The following SEPTIN14 variants were observed in gnomAD, a reference collection of about 807,000 sequenced individuals.
SEPTIN14 encodes the protein septin 14.
In SEPTIN14, 40 loss-of-function variants were observed where a neutral mutation model predicts 53.6. That is an observed-to-expected ratio of 0.75 (90% CI 0.58 to 0.97). The LOEUF is 0.97. Among genes scored for constraint, SEPTIN14 ranks in the 50% least tolerant of loss-of-function variants. The pLI is 0.00. For missense variants in SEPTIN14, 471 were observed against 508.2 expected (o/e 0.93, Z 0.70); for synonymous variants, 138 against 166.8 (o/e 0.83, Z 1.33).
At chr7:55,822,565 G>C (rs1296374932) in intron 6 of SEPTIN14, among the ~76,000 whole-genome samples, 1 of 151,302 alleles carries the variant, frequency 6.6e-6, no homozygotes, top group Non-Finnish European at 1.5e-5. Context: ...CAGATCAATA[G>C]AGCAGAGCAG....
chr7:55,833,268 T>C (rs1789142434), intron 6 of SEPTIN14, among the ~76,000 whole-genome samples: 1 of 151,440 alleles, frequency 6.6e-6, no homozygotes, highest in Non-Finnish European at 1.5e-5. Flanking sequence ...TGAGCTGAGA[T>C]TGCGCCACTG....
In SEPTIN14 at chr7:55,838,453, T is replaced by C. The variant is rs138576899; in HGVS notation, c.559-3867A>G. On this transcript the variant is annotated intron_variant, in intron 5 of 9. Transcript: ENST00000388975. ...CCCCATTTTCCACAGTTTCTCTTTCTTCCTTTTCTTTCCTTCTTTTTTACT... is the reference window on the plus strand; with the variant it reads ...CCCCATTTTCCACAGTTTCTCTTTCCTCCTTTTCTTTCCTTCTTTTTTACT... Among the ~76,000 whole-genome samples the C allele has an allele frequency of 2.8e-3, 422 of 152,202 alleles. 9 individuals are homozygous for C. In the South Asian group the frequency reaches 0.037, roughly 13 times the overall value.
At chr7:55,838,171 G>A (rs560860799) in intron 5 of SEPTIN14, among the ~76,000 whole-genome samples, 1 of 152,274 alleles carries the variant, frequency 6.6e-6, no homozygotes, top group African/African-American at 2.4e-5. Context: ...CTGAAGCCAT[G>A]GGGCTTAAGC....
At chr7:55,799,050 T>G in intron 9 of SEPTIN14, among the ~76,000 whole-genome samples, 1 of 152,232 alleles carries the variant, frequency 6.6e-6, no homozygotes. Context: ...ATGATAATAG[T>G]AAGTCCTTAC....
In SEPTIN14 at chr7:55,834,458, T is replaced by C. The variant is rs754509394; in HGVS notation, c.687A>G (p.Glu229=). 2 of 1,612,128 alleles carry C rather than the reference T, an allele frequency of 1.2e-6. No individual in the cohort carries two copies. The highest frequency in any genetic ancestry group is 3.3e-5 in the Admixed American group (2 of 59,708). The change falls in exon 6 of 10, where the codon GAA becomes GAG. Residue 229 remains glutamate (E), a synonymous_variant. Coordinates refer to ENST00000388975, the MANE Select transcript of SEPTIN14 (RefSeq NM_207366.3). ...GIQIYQLPTD[E]ETAAQANSSV... is the part of the protein sequence containing the mutation. ...AGGAGTTCGCTTGAGCAGCAGTTTC[T>C]TCATCTGTTGGGAGCTGATATATCT... is the stretch of plus-strand genomic sequence containing the variant.
chr7:55,859,831 C>T (rs547887316), intron 2 of SEPTIN14, among the ~76,000 whole-genome samples: 1 of 152,254 alleles, frequency 6.6e-6, no homozygotes, highest in South Asian at 2.1e-4. Flanking sequence ...ATGGAATCAA[C>T]CTAAGTGTCC....
chr7:55,809,982 G>C (rs150142205), intron 7 of SEPTIN14, among the ~76,000 whole-genome samples: 3 of 151,690 alleles, frequency 2.0e-5, no homozygotes, highest in Non-Finnish European at 4.4e-5. Flanking sequence ...ACAGGCGCCC[G>C]TCACTACGCC....
intron 2 of SEPTIN14, among the ~76,000 whole-genome samples, chr7:55,851,310 A>G (rs955273372): frequency 2.0e-5 from 3 of 152,082 alleles, no homozygotes; most frequent in African/African-American, 7.2e-5. Context: ...TATTCAGTCA[A>G]TTTGTAACCC....
At chr7:55,855,283 C>T (rs2116077190) in intron 2 of SEPTIN14, among the ~76,000 whole-genome samples, 1 of 152,314 alleles carries the variant, frequency 6.6e-6, no homozygotes, top group South Asian at 2.1e-4. Flanking sequence ...GCTGGGATTA[C>T]AGGCGTGAGC....
At chr7:55,818,112 A>AT (rs1788826868) in intron 7 of SEPTIN14, among the ~76,000 whole-genome samples, 1 of 152,198 alleles carries the variant, frequency 6.6e-6, no homozygotes, top group African/African-American at 2.4e-5. Flanking sequence ...CATAATAAAT[A>AT]TTAAAACATT....
At chr7:55,839,106 G>T (rs1158676502) in intron 5 of SEPTIN14, among the ~76,000 whole-genome samples, 1 of 152,034 alleles carries the variant, frequency 6.6e-6, no homozygotes, top group Non-Finnish European at 1.5e-5. Flanking sequence ...GATATTTTGA[G>T]GCCAGGCGTG....
intron 6 of SEPTIN14, among the ~76,000 whole-genome samples, chr7:55,830,423 T>C (rs1256864035): frequency 7.0e-6 from 1 of 141,986 alleles, no homozygotes; most frequent in African/African-American, 2.6e-5. Context: ...CTCCGCTCAC[T>C]GCAAGCTCCG....
chr7:55,832,288 A>G (rs1210631040), intron 6 of SEPTIN14, among the ~76,000 whole-genome samples: 1 of 152,146 alleles, frequency 6.6e-6, no homozygotes, highest in African/African-American at 2.4e-5. Flanking sequence ...GAATGCAGAG[A>G]ATAATGAATG....
intron 2 of SEPTIN14, among the ~76,000 whole-genome samples, chr7:55,852,789 C>G (rs560159417): frequency 6.6e-6 from 1 of 152,032 alleles, no homozygotes; most frequent in Non-Finnish European, 1.5e-5. Flanking sequence ...AAACTATCCC[C>G]CGATAAGGGA....
In SEPTIN14 at chr7:55,851,351, G is replaced by A. The variant is rs112417933; in HGVS notation, c.55-4714C>T. 3.5e-3 allele frequency among the ~76,000 whole-genome samples: 522 copies of A among 151,248 alleles called. 6 individuals are homozygous for A. The highest frequency in any genetic ancestry group is 0.012 in the African/African-American group (495 of 41,232). On this transcript the variant is annotated intron_variant, in intron 2 of 9. Transcript: ENST00000388975. The stretch of plus-strand genomic sequence containing the variant: ...CCTCAGCCCTGGCAACCTCTCATCT[G>A]TTTTCAGTTGCTATAGTTTTACTTT...
chr7:55,821,323 T>C (rs118095911), intron 6 of SEPTIN14, among the ~76,000 whole-genome samples: 2,858 of 152,274 alleles, frequency 0.019, 42 homozygotes, highest in Non-Finnish European at 0.028. Context: ...CACTGAGCTC[T>C]CAGTTACCAG....
chr7:55,802,067 C>A (rs187329635), intron 9 of SEPTIN14, among the ~76,000 whole-genome samples: 1 of 148,818 alleles, frequency 6.7e-6, no homozygotes, highest in East Asian at 2.0e-4. Flanking sequence ...TGCAGTGGTG[C>A]GATCTCAGCT....
chr7:55,817,518 G>A (rs1369409401), intron 7 of SEPTIN14, among the ~76,000 whole-genome samples: 1 of 149,954 alleles, frequency 6.7e-6, no homozygotes, highest in Non-Finnish European at 1.5e-5. Context: ...TTGCCCAGCT[G>A]GAGTGCAGTG....
intron 2 of SEPTIN14, among the ~76,000 whole-genome samples, chr7:55,858,158 A>G (rs1262596873): frequency 6.6e-6 from 1 of 152,200 alleles, no homozygotes; most frequent in Non-Finnish European, 1.5e-5. Context: ...ATTGCTGCTG[A>G]AAGTAGGGAA....
Sources: allele counts gnomAD v4.1 joint callset (sites outside exome capture counted in the v4.1 genomes callset), GRCh38; gene constraint gnomAD v4.1.1; transcripts MANE v1.5; gene names NCBI Gene and HGNC (gene_info 2026-07-23, HGNC 2026-07-21).